CSMD1: variants seen among roughly 807,000 people sequenced by gnomAD.
CSMD1 encodes the protein CUB and Sushi multiple domains 1.
In CSMD1, 213 loss-of-function variants were observed where a neutral mutation model predicts 417.5. That is an observed-to-expected ratio of 0.51 (90% confidence interval 0.46 to 0.57). The LOEUF (loss-of-function observed/expected upper bound fraction) is 0.57, where lower values mean the gene tolerates loss of function less well. Among genes scored for constraint, CSMD1 ranks in the 20% least tolerant of loss-of-function variants. The pLI, the probability that CSMD1 is intolerant of heterozygous loss-of-function variation, is 0.00. For missense variants in CSMD1, 6,923 were observed against 4,529.7 expected (o/e 1.53, Z -15.17); for synonymous variants, 2,862 against 1,736.8 (o/e 1.65, Z -16.11).
chr8:3,781,147 T>G (rs1036201892), intron 5 of CSMD1, among the ~76,000 whole-genome samples: 1 of 152,206 alleles, frequency 6.6e-6, no homozygotes, highest in East Asian at 1.9e-4. Flanking sequence ...ATGATCAAGG[T>G]TGTCCAAACA....
At chr8:4,735,778 G>T (rs963439128) in intron 1 of CSMD1, among the ~76,000 whole-genome samples, 1 of 152,120 alleles carries the variant, frequency 6.6e-6, no homozygotes, top group Non-Finnish European at 1.5e-5. Context: ...CCGAGGATTT[G>T]AATTTTAGAG....
intron 10 of CSMD1, among the ~76,000 whole-genome samples, chr8:3,528,570 T>C (rs565646545): frequency 6.6e-6 from 1 of 152,350 alleles, no homozygotes; most frequent in Admixed American, 6.5e-5. Context: ...AGTGTTTTGG[T>C]TCAGTAAACT....
intron 1 of CSMD1, among the ~76,000 whole-genome samples, chr8:4,733,605 G>A (rs559666288): frequency 1.3e-5 from 2 of 152,114 alleles, no homozygotes; most frequent in Non-Finnish European, 2.9e-5. Context: ...TTTCAACAAA[G>A]GCCTGGAAAG....
chr8:4,144,063 G>C (rs915589430), intron 3 of CSMD1, among the ~76,000 whole-genome samples: 4 of 151,240 alleles, frequency 2.6e-5, no homozygotes, highest in Non-Finnish European at 5.9e-5. Flanking sequence ...GAAATGGGGA[G>C]ACGGAAGTTT....
chr8:3,068,861 T>C (rs1258462024), intron 49 of CSMD1, among the ~76,000 whole-genome samples: 2 of 152,066 alleles, frequency 1.3e-5, no homozygotes, highest in African/African-American at 4.8e-5. Context: ...AACACGAGAT[T>C]TGGGCAGGGA....
At chr8:4,211,084 GTACAT>G (rs544653812) in intron 3 of CSMD1, among the ~76,000 whole-genome samples, 134 of 152,150 alleles carry the variant, frequency 8.8e-4, no homozygotes, top group African/African-American at 3.1e-3. Flanking sequence ...ACATATCATT[GTACAT>G]TACATTTTGG....
At chr8:3,693,975 T>C (rs1352553877) in intron 7 of CSMD1, among the ~76,000 whole-genome samples, 1 of 150,896 alleles carries the variant, frequency 6.6e-6, no homozygotes, top group Non-Finnish European at 1.5e-5. Context: ...GTGTGTTGGG[T>C]ATGTGTGTTG....
chr8:3,918,219 G>A (rs147880863), intron 5 of CSMD1, among the ~76,000 whole-genome samples: 28 of 152,132 alleles, frequency 1.8e-4, no homozygotes, highest in African/African-American at 6.5e-4. Context: ...CCTGGAAGTG[G>A]GGATTGCTGG....
chr8:4,154,174 C>A (rs914624266), intron 3 of CSMD1, among the ~76,000 whole-genome samples: 1 of 152,118 alleles, frequency 6.6e-6, no homozygotes, highest in Non-Finnish European at 1.5e-5. Flanking sequence ...GATAGGAGAT[C>A]TATAACCTTA....
At chr8:4,392,763 A>C (rs1252951319) in intron 3 of CSMD1, among the ~76,000 whole-genome samples, 2 of 151,366 alleles carry the variant, frequency 1.3e-5, no homozygotes, top group Non-Finnish European at 2.9e-5. Flanking sequence ...AGGTCAAGAG[A>C]TTGAGAACAT....
rs1435756402 is a variant in CSMD1, at chr8:4,779,970, A to C, written c.86-142412T>G. Among the ~76,000 whole-genome samples, 3 of 152,110 alleles carry C rather than the reference A, an allele frequency of 2.0e-5. No homozygotes were observed. In the East Asian group the frequency reaches 5.8e-4, roughly 29 times the overall value. ...ACTTTGGCCAAATGATTGTTAAATA[A>C]ATTCTTGGCTTTTCAGCAAACATTC... On this transcript the variant is annotated intron_variant, in intron 1 of 69. Transcript: ENST00000635120.
chr8:3,923,570 T>C lies in CSMD1; in HGVS notation c.818+74333A>G, dbSNP rs1809432380. ...CAGGATACACTGTGAAATAATTAAA[T>C]GAAGCTAATTAACATACTCATCACC... On this transcript the variant is annotated intron_variant, in intron 5 of 69. Coordinates refer to ENST00000635120, the MANE Select transcript of CSMD1 (RefSeq NM_033225.6). 1.3e-5 allele frequency among the ~76,000 whole-genome samples: 2 copies of C among 152,208 alleles called. 1 individual carries two copies. The highest frequency in any genetic ancestry group is 4.1e-4 in the South Asian group (2 of 4,828).
At chr8:3,721,535 C>A (rs1329051798) in intron 6 of CSMD1, among the ~76,000 whole-genome samples, 2 of 152,146 alleles carry the variant, frequency 1.3e-5, no homozygotes, top group Non-Finnish European at 2.9e-5. Context: ...CAAAGAGAAA[C>A]ATATTCTTAG....
Position 3,503,444 on chromosome 8 carries a change from C to T in CSMD1, c.1345-9718G>A, listed in dbSNP as rs548567179. 3.3e-5 allele frequency among the ~76,000 whole-genome samples: 5 copies of T among 152,324 alleles called. No individual in the cohort carries two copies. The South Asian group carries it at 1.0e-3, about 32-fold the overall frequency. ...TAAAGTTTGCACAGGCAGTGAAAAG[C>T]GCAATTCCTCTAAAACACAGCAGTC... On this transcript the variant is annotated intron_variant, in intron 10 of 69. Transcript: ENST00000635120.
intron 2 of CSMD1, among the ~76,000 whole-genome samples, chr8:4,636,607 G>A (rs1187394144): frequency 6.6e-6 from 1 of 152,100 alleles, no homozygotes; most frequent in Non-Finnish European, 1.5e-5. Flanking sequence ...AAAAACAATG[G>A]TGTATTATAA....
intron 5 of CSMD1, among the ~76,000 whole-genome samples, chr8:3,932,910 C>A (rs572289265): frequency 6.7e-6 from 1 of 150,278 alleles, no homozygotes; most frequent in East Asian, 2.0e-4. Flanking sequence ...CAACACACTT[C>A]TATTTAGTAA....
chr8:4,248,218 A>G (rs1426938652), intron 3 of CSMD1, among the ~76,000 whole-genome samples: 1 of 152,196 alleles, frequency 6.6e-6, no homozygotes, highest in Non-Finnish European at 1.5e-5. Context: ...GCCATTTCCA[A>G]CAGCAGACAG....
At position 3,485,538 on chromosome 8, in the gene CSMD1, C is replaced by G. The variant is rs375577997; in HGVS notation, c.1448+8085G>C. Among the ~76,000 whole-genome samples, 271 of 135,026 alleles carry G rather than the reference C, an allele frequency of 2.0e-3. 2 individuals carry two copies. The highest frequency in any genetic ancestry group is 6.6e-3 in the South Asian group (28 of 4,226). The allele number at this position is 135,026 out of a possible 152,430, so 88.6% of individuals were successfully genotyped here. On this transcript the variant is annotated intron_variant, in intron 11 of 69. Transcript: ENST00000635120. ...AACTTCATAACAATACACACACACACAGAGAGAGAGAGAGAGAGAGAGAGA... is the reference window on the plus strand; with the variant it reads ...AACTTCATAACAATACACACACACAGAGAGAGAGAGAGAGAGAGAGAGAGA...
intron 28 of CSMD1, 88 bp from the exon 29 acceptor site, chr8:3,219,530 T>C: frequency 1.0e-6 from 1 of 971,268 alleles, no homozygotes; most frequent in African/African-American, 1.7e-5. Flanking sequence ...AAAGTGATTT[T>C]ATTTGCTTTT....
Sources: allele counts gnomAD v4.1 joint callset (sites outside exome capture counted in the v4.1 genomes callset), GRCh38; gene constraint gnomAD v4.1.1; transcripts MANE v1.5; gene names NCBI Gene and HGNC (gene_info 2026-07-23, HGNC 2026-07-21).